PFKM: variants seen among roughly 807,000 people sequenced by gnomAD.
PFKM encodes ATP-dependent 6-phosphofructokinase, muscle type.
PFKM carries 58 observed loss-of-function variants against 95.5 expected under a neutral mutation model. The observed-to-expected ratio is 0.61, with a 90% CI of 0.49 to 0.76. The LOEUF (loss-of-function observed/expected upper bound fraction) is 0.76, where lower values mean the gene tolerates loss of function less well. PFKM is among the 30% of genes least tolerant of loss of function. The pLI, the probability that PFKM is intolerant of heterozygous loss-of-function variation, is 0.00. For synonymous variants in PFKM, 336 were observed against 357.2 expected, an observed-to-expected ratio of 0.94 and a Z score of 0.67; for missense variants, 678 against 1,005.4, an observed-to-expected ratio of 0.67 and a Z score of 4.40.
At chr12:48,135,505 G>A in intron 10 of PFKM, 122 bp downstream of exon 10, 1 of 690,784 alleles carries the variant, frequency 1.4e-6, no homozygotes, top group South Asian at 1.8e-5. Context: ...CTCTCCACCA[G>A]CCTTTGGGCT....
In PFKM at chr12:48,145,138, G is replaced by C; in HGVS notation, c.2092+8G>C. The C allele has an allele frequency of 6.2e-7, 1 of 1,612,554 alleles. No homozygotes were observed. Among genetic ancestry groups the C allele is most frequent in the African/African-American group, 1.3e-5 (1 of 75,004 alleles). On this transcript the variant is annotated splice_region_variant and intron_variant, in intron 21 of 22. Transcript: ENST00000359794. The surrounding 1 kb of genome is among the most constrained non-coding windows in gnomAD (Gnocchi z 4.3). The stretch of plus-strand genomic sequence containing the variant: ...AAGAGAGTTACCGTAATGGTAGGTG[G>C]GGTGAGAGCGAGTGCCCTCTATAGA...
chr12:48,145,435 AC>A lies in PFKM; in HGVS notation c.2198+123del. ...TTTAAGGAGTAACACCTGTATTCTT[AC>A]CCATTTCAGATGTGATGCACATGTC... On this transcript the variant is annotated intron_variant, in intron 22 of 22. Coordinates refer to ENST00000359794, the MANE Select transcript of PFKM (RefSeq NM_000289.6). The surrounding 1 kb of genome is among the most constrained non-coding windows in gnomAD (Gnocchi z 4.3). The A allele has an allele frequency of 7.8e-7, 1 of 1,275,068 alleles. No homozygotes were observed. Among genetic ancestry groups the A allele is most frequent in the Non-Finnish European group, 1.1e-6 (1 of 884,782 alleles). 79.0% of individuals were successfully genotyped at this position (1,275,068 alleles called of 1,614,324 possible). A position where few individuals can be genotyped will look rare whatever the true frequency, so the allele number is the denominator to read the frequency against.
At chr12:48,140,660 ACCT>A (rs1950504660) in intron 13 of PFKM, 59 bp from the exon 14 acceptor site, 6 of 1,566,190 alleles carry the variant, frequency 3.8e-6, no homozygotes, top group Non-Finnish European at 5.3e-6. Flanking sequence ...TCCTTTACTA[ACCT>A]CCTCCCTGTT....
At chr12:48,139,196 A>G in intron 11 of PFKM, 89 bp from the exon 12 acceptor site, 1 of 984,338 alleles carries the variant, frequency 1.0e-6, no homozygotes, top group South Asian at 1.3e-5. Flanking sequence ...ACAATCCCAG[A>G]GATGGGCAGA....
chr12:48,126,073 G>A (rs1592683155), intron 2 of PFKM, among the ~76,000 whole-genome samples: 2 of 152,030 alleles, frequency 1.3e-5, no homozygotes, highest in African/African-American at 4.8e-5. Context: ...TCCAAACTAC[G>A]TGCTTATGAT....
upstream of PFKM, chr12:48,119,340 AC>A: frequency 1.0e-6 from 1 of 983,790 alleles, no homozygotes; most frequent in Non-Finnish European, 1.2e-6. Flanking sequence ...TTCGTCCATC[AC>A]CCCTCCCCCC....
rs779486374 is a variant in PFKM at position 48,139,918 on chromosome 12, G to T, written c.1191+6G>T. On this transcript the variant is annotated splice_donor_region_variant and intron_variant, in intron 13 of 22. Coordinates refer to ENST00000359794, the MANE Select transcript of PFKM (RefSeq NM_000289.6). ...TCAGACCCCCGGTATCTAAGGTACTGGCAAGTTGACTTGCCCTCTCCCCTT... is the reference window on the plus strand; with the variant it reads ...TCAGACCCCCGGTATCTAAGGTACTTGCAAGTTGACTTGCCCTCTCCCCTT... 8.7e-6 allele frequency: 14 copies of T among 1,601,580 alleles called. No homozygotes were observed. In the Admixed American group the frequency reaches 2.3e-4, roughly 27 times the overall value.
At chr12:48,118,810 T>C (rs1337296506), upstream of PFKM, among the ~76,000 whole-genome samples, 1 of 152,186 alleles carries the variant, frequency 6.6e-6, no homozygotes, top group Admixed American at 6.5e-5. Flanking sequence ...AAAGGTAATG[T>C]AAATGTAAAA....
intron 12 of PFKM, 92 bp from the exon 13 acceptor site, chr12:48,139,757 C>T: frequency 4.4e-6 from 4 of 899,002 alleles, no homozygotes; most frequent in South Asian, 2.7e-5. Context: ...TGGAACTTCC[C>T]TCTGGGAGCA....
chr12:48,134,467 G>A (rs1210144302), intron 7 of PFKM, among the ~76,000 whole-genome samples, 191 bp downstream of exon 7: 2 of 152,224 alleles, frequency 1.3e-5, no homozygotes, highest in African/African-American at 4.8e-5. Flanking sequence ...ACGTGCTCAG[G>A]CACGTGCTTG....
chr12:48,139,879 G>A lies in PFKM; in HGVS notation c.1158G>A (p.Lys386=), dbSNP rs1216904332. Residue 386 remains lysine, a synonymous_variant, in exon 13 of 23, where the codon AAG becomes AAA. Transcript: ENST00000359794. ...RSFMNNWEVY[K]LLAHVRPPVS... is the part of the protein sequence containing the mutation. ...TCATGAACAACTGGGAGGTGTACAA[G>A]CTTCTAGCTCATGTCAGACCCCCGG... The A allele has an allele frequency of 3.1e-6, 5 of 1,613,086 alleles. No individual in the cohort carries two copies. The African/African-American group carries it at 6.7e-5, about 22-fold the overall frequency.
intron 19 of PFKM, 74 bp from the exon 20 acceptor site, chr12:48,143,967 TGAAAG>T: frequency 2.5e-6 from 3 of 1,196,010 alleles, no homozygotes; most frequent in Non-Finnish European, 3.8e-6. Context: ...AGATAAAAAT[TGAAAG>T]GAAAGAACAA....
At chr12:48,107,963 G>T (rs1490679871) in intron 2 of PFKM, 1 of 1,095,286 alleles carries the variant, frequency 9.1e-7, no homozygotes, top group Non-Finnish European at 1.3e-6. Flanking sequence ...TGGATTTTTG[G>T]AAAGAAAGCC....
intron 10 of PFKM, among the ~76,000 whole-genome samples, 174 bp downstream of exon 10, chr12:48,135,557 T>G (rs1949999652): frequency 6.6e-6 from 1 of 152,224 alleles, no homozygotes; most frequent in Admixed American, 6.5e-5. Context: ...GAGGGTTCTC[T>G]TCTGTTACAA....
In PFKM at chr12:48,135,019, C is replaced by T; in HGVS notation, c.824C>T (p.Thr275Ile). Residue 275 changes from threonine to isoleucine, a missense_variant, in exon 9 of 23, where the codon ACC (threonine) becomes ATC (isoleucine). By Grantham distance (89) the Thr-to-Ile change is moderately conservative (BLOSUM62 -1). Coordinates refer to ENST00000359794, the MANE Select transcript of PFKM (RefSeq NM_000289.6). Reference sequence around the variant, plus strand: ...ATTGACAAGAATGGAAAACCAATCACCTCAGAAGACATCAAGAATGTTCGT... The same window carrying T: ...ATTGACAAGAATGGAAAACCAATCATCTCAGAAGACATCAAGAATGTTCGT... ...GAIDKNGKPI[T>I]SEDIKNLVVK... The T allele has an allele frequency of 6.2e-7, 1 of 1,612,810 alleles. No homozygotes were observed.
rs199528011 is a variant in PFKM, at chr12:48,144,111, A to G, written c.1946A>G (p.Lys649Arg). 7 of 1,613,828 alleles carry G rather than the reference A, an allele frequency of 4.3e-6. No homozygotes were observed. Among genetic ancestry groups the G allele is most frequent in the Non-Finnish European group, 5.9e-6 (7 of 1,179,818 alleles). ...FIFNLYSEEGKGIFDSRKNVL... is the reference protein window; with the variant it reads ...FIFNLYSEEGRGIFDSRKNVL... ...TTCAACCTGTACTCTGAGGAGGGGA[A>G]GGGCATCTTCGACAGCAGGAAGAAT... Residue 649 changes from lysine (K) to arginine (R), a missense_variant, in exon 20 of 23, where the codon AAG becomes AGG. Lys to Arg is a conservative substitution (Grantham distance 26). Transcript: ENST00000359794.
Position 48,145,194 on chromosome 12 carries a change from C to G in PFKM, c.2093-16C>G. 1 of 1,613,100 alleles carries G rather than the reference C, an allele frequency of 6.2e-7. No homozygotes were observed. Among genetic ancestry groups the G allele is most frequent in the Non-Finnish European group, 8.5e-7 (1 of 1,179,104 alleles). ...GTTCCCCAGTATAGAAGCTGACTGCCCATCCCTCATTGCAGGGCGGATCTT... is the reference window on the plus strand; with the variant it reads ...GTTCCCCAGTATAGAAGCTGACTGCGCATCCCTCATTGCAGGGCGGATCTT... On this transcript the variant is annotated splice_polypyrimidine_tract_variant and intron_variant, in intron 21 of 22. Transcript: ENST00000359794. The surrounding 1 kb of genome is among the most constrained non-coding windows in gnomAD (Gnocchi z 4.3).
At chr12:48,106,376 G>C (rs1177078402) in intron 1 of PFKM, 1 of 471,916 alleles carries the variant, frequency 2.1e-6, no homozygotes, top group South Asian at 3.0e-5. Context: ...CCGCCTTCTG[G>C]TTCCGCCCGG....
intron 10 of PFKM, 143 bp downstream of exon 10, chr12:48,135,526 C>T: frequency 1.6e-6 from 1 of 629,782 alleles, no homozygotes; most frequent in Non-Finnish European, 2.9e-6. Context: ...GCAGTGGCCA[C>T]TGACCCATTC....
Sources: allele counts gnomAD v4.1 joint callset (sites outside exome capture counted in the v4.1 genomes callset), GRCh38; gene constraint gnomAD v4.1.1; non-coding constraint Gnocchi (gnomAD v3.1); transcripts MANE v1.5; gene names NCBI Gene and HGNC (gene_info 2026-07-23, HGNC 2026-07-21).